The following NEGR1 variants were observed in gnomAD, a reference collection of about 807,000 sequenced individuals.
NEGR1 encodes the protein neuronal growth regulator 1, also known as IgLON family member 4.
A neutral mutation model predicts 40.9 loss-of-function variants in NEGR1; 10 were observed. The observed-to-expected ratio is 0.24, with a 90% CI of 0.15 to 0.42. The LOEUF is 0.42. Among genes scored for constraint, NEGR1 ranks in the 10% least tolerant of loss-of-function variants. The pLI, the probability that NEGR1 is intolerant of heterozygous loss-of-function variation, is 1.00. For synonymous variants in NEGR1, 185 were observed against 166.8 expected (o/e 1.11, Z -0.84); for missense variants, 352 against 438.9 (o/e 0.80, Z 1.77).
chr1:71,950,760 T>C (rs1646062928), intron 1 of NEGR1, among the ~76,000 whole-genome samples: 1 of 152,014 alleles, frequency 6.6e-6, no homozygotes, highest in East Asian at 1.9e-4. Context: ...CAATTGTCTT[T>C]GTAGTCAATA....
intron 1 of NEGR1, among the ~76,000 whole-genome samples, chr1:72,013,968 A>AAT (rs761989172): frequency 3.6e-3 from 422 of 118,062 alleles, no homozygotes; most frequent in East Asian, 0.021. Context: ...AAAAATAAAA[A>AAT]AAAAAAAAAA....
At chr1:72,216,347 C>T (rs1354363233) in intron 1 of NEGR1, among the ~76,000 whole-genome samples, 1 of 137,968 alleles carries the variant, frequency 7.2e-6, no homozygotes, top group East Asian at 2.0e-4. Context: ...AGGTTCTGCA[C>T]ATATATATCC....
At chr1:71,974,467 A>G (rs1646285065) in intron 1 of NEGR1, among the ~76,000 whole-genome samples, 1 of 152,126 alleles carries the variant, frequency 6.6e-6, no homozygotes, top group Admixed American at 6.6e-5. Context: ...CACTATTTTG[A>G]TAATAGCATT....
At chr1:72,000,128 G>A (rs138907042) in intron 1 of NEGR1, among the ~76,000 whole-genome samples, 27 of 152,024 alleles carry the variant, frequency 1.8e-4, no homozygotes, top group African/African-American at 6.3e-4. Flanking sequence ...TCTGAAAACT[G>A]GCATATCATA....
At chr1:71,898,528 T>C (rs998535290) in intron 2 of NEGR1, among the ~76,000 whole-genome samples, 2 of 152,084 alleles carry the variant, frequency 1.3e-5, no homozygotes, top group African/African-American at 4.8e-5. Context: ...GGCAGGAGAA[T>C]GGCGTGAACC....
At chr1:72,250,638 A>G (rs1655055148) in intron 1 of NEGR1, among the ~76,000 whole-genome samples, 3 of 152,226 alleles carry the variant, frequency 2.0e-5, no homozygotes, top group Non-Finnish European at 2.9e-5. Context: ...ATCCTGTAAT[A>G]TCTTCATACA....
chr1:72,087,751 CTTTTT>C (rs1194408394), intron 1 of NEGR1, among the ~76,000 whole-genome samples: 2 of 95,106 alleles, frequency 2.1e-5, no homozygotes, highest in Admixed American at 1.3e-4. Flanking sequence ...TGCCACTGTG[CTTTTT>C]TTTTTTTTTT....
chr1:71,939,864 T>C (rs777355008), intron 1 of NEGR1, among the ~76,000 whole-genome samples: 1 of 152,228 alleles, frequency 6.6e-6, no homozygotes, highest in Admixed American at 6.5e-5. Context: ...TTATACCATT[T>C]AAGCCTCACA....
At chr1:72,131,601 T>A (rs1158680512) in intron 1 of NEGR1, among the ~76,000 whole-genome samples, 1 of 152,164 alleles carries the variant, frequency 6.6e-6, no homozygotes, top group East Asian at 1.9e-4. Context: ...ACAAGATAAT[T>A]TTCAGTAGTC....
At chr1:71,984,569 T>G (rs562903313) in intron 1 of NEGR1, among the ~76,000 whole-genome samples, 69 of 152,188 alleles carry the variant, frequency 4.5e-4, no homozygotes, top group Non-Finnish European at 8.5e-4. Context: ...GTTTTCAAAT[T>G]TTGGGGCCTT....
At chr1:71,765,419 T>G (rs1425055729) in intron 3 of NEGR1, among the ~76,000 whole-genome samples, 2 of 152,194 alleles carry the variant, frequency 1.3e-5, no homozygotes, top group Admixed American at 1.3e-4. Flanking sequence ...AGGATTTTTT[T>G]TAATGCTACA....
At chr1:72,220,905 C>A (rs1341883162) in intron 1 of NEGR1, among the ~76,000 whole-genome samples, 1 of 126,300 alleles carries the variant, frequency 7.9e-6, no homozygotes, top group African/African-American at 3.1e-5. Context: ...TTACTTCTAC[C>A]TACCTAAAGT....
At position 71,858,518 on chromosome 1, in the gene NEGR1, C is replaced by T. The variant is rs76221660; in HGVS notation, c.409+76561G>A. ...TGATGGAGAGTCCTATATTAAATTGCCAAATTTCTCAGTGATAATTGAAGA... is the reference window on the plus strand; with the variant it reads ...TGATGGAGAGTCCTATATTAAATTGTCAAATTTCTCAGTGATAATTGAAGA... On this transcript the variant is annotated intron_variant, in intron 2 of 6. Transcript: ENST00000357731. Among the ~76,000 whole-genome samples, 342 of 151,918 alleles carry T rather than the reference C, an allele frequency of 2.3e-3. 5 individuals are homozygous for T. Among genetic ancestry groups the T allele is most frequent in the African/African-American group, 7.8e-3 (323 of 41,446 alleles).
At chr1:71,680,385 C>CA (rs1373739661) in intron 4 of NEGR1, among the ~76,000 whole-genome samples, 2 of 151,870 alleles carry the variant, frequency 1.3e-5, no homozygotes, top group African/African-American at 4.8e-5. Flanking sequence ...TTCAATTTCC[C>CA]AATTTATTGA....
intron 2 of NEGR1, among the ~76,000 whole-genome samples, chr1:71,795,445 A>C (rs1657289018): frequency 1.3e-5 from 2 of 152,076 alleles, no homozygotes; most frequent in African/African-American, 4.8e-5. Flanking sequence ...GATGTTCTCA[A>C]AATATATCAA....
chr1:71,755,225 A>G (rs1208981520), intron 3 of NEGR1, among the ~76,000 whole-genome samples: 2 of 152,056 alleles, frequency 1.3e-5, no homozygotes, highest in Non-Finnish European at 2.9e-5. Flanking sequence ...CCAATCTATC[A>G]GTCTGTTGGT....
intron 6 of NEGR1, among the ~76,000 whole-genome samples, chr1:71,495,726 A>G (rs995625417): frequency 1.3e-5 from 2 of 152,196 alleles, no homozygotes; most frequent in African/African-American, 4.8e-5. Context: ...TCAGAAGACA[A>G]TAAAAGAAGG....
intron 2 of NEGR1, among the ~76,000 whole-genome samples, chr1:71,897,258 G>A (rs575709064): frequency 6.6e-6 from 1 of 151,820 alleles, no homozygotes; most frequent in Non-Finnish European, 1.5e-5. Flanking sequence ...TCCATTTCCC[G>A]ACATGAATAT....
chr1:72,262,923 C>T (rs1406611582), intron 1 of NEGR1, among the ~76,000 whole-genome samples: 1 of 151,718 alleles, frequency 6.6e-6, no homozygotes, highest in Admixed American at 6.6e-5. Context: ...AGTCTTAAAA[C>T]GTCAGGTCAG....
Sources: allele counts gnomAD v4.1 joint callset (sites outside exome capture counted in the v4.1 genomes callset), GRCh38; gene constraint gnomAD v4.1.1; transcripts MANE v1.5; gene names NCBI Gene and HGNC (gene_info 2026-07-23, HGNC 2026-07-21).